FUBP1: variants seen among roughly 807,000 people sequenced by gnomAD.
FUBP1 encodes far upstream element binding protein 1.
FUBP1 carries 16 observed loss-of-function variants against 94.9 expected under a neutral mutation model. The ratio of observed to expected loss-of-function variants is 0.17; its 90% CI spans 0.11 to 0.26. The LOEUF (loss-of-function observed/expected upper bound fraction) is 0.26. FUBP1 is among the 10% of genes least tolerant of loss of function. FUBP1 has a pLI of 1.00. For missense variants in FUBP1, 583 were observed against 808.6 expected (o/e 0.72, Z 3.38); for synonymous variants, 279 against 254.9 (o/e 1.09, Z -0.90).
In FUBP1 at chr1:77,960,434, T is replaced by C. The variant is rs749091268; in HGVS notation, c.1406A>G (p.His469Arg). The change falls in exon 15 of 20, where the codon CAT (histidine) becomes CGT (arginine). Residue 469 changes from histidine (H) to arginine (R), a missense_variant. His to Arg is a conservative substitution (Grantham distance 29). Coordinates refer to ENST00000370768, the MANE Select transcript of FUBP1 (RefSeq NM_003902.5). ...PHGPHGVPGP[H>R]GPPGPPGPGT... ...AGGCCCTGGAGGCCCAGGAGGTCCA[T>C]GGGGGCCTGGGACACCATGGGGCCC... is the stretch of plus-strand genomic sequence containing the variant. 5 of 1,592,930 alleles carry C rather than the reference T, an allele frequency of 3.1e-6. No homozygotes were observed. Among genetic ancestry groups the C allele is most frequent in the East Asian group, 2.2e-5 (1 of 44,722 alleles).
At position 77,948,313 on chromosome 1, in the gene FUBP1, A is replaced by G. The variant is rs1652613663; in HGVS notation, c.*453T>C. The G allele has an allele frequency of 9.6e-7, 1 of 1,047,014 alleles. No homozygotes were observed. The allele number at this position is 1,047,014 out of a possible 1,614,324, so 64.9% of individuals were successfully genotyped here. The stretch of plus-strand genomic sequence containing the variant: ...TAAAAACTCAATATTTCATGGGGAA[A>G]GCTTATATATTTGTGTATATGTATC... On this transcript the variant is annotated 3_prime_UTR_variant, in exon 20 of 20. Coordinates refer to ENST00000370768, the MANE Select transcript of FUBP1 (RefSeq NM_003902.5).
intron 17 of FUBP1, among the ~76,000 whole-genome samples, chr1:77,955,672 C>A (rs557382997): frequency 6.6e-6 from 1 of 152,118 alleles, no homozygotes; most frequent in Non-Finnish European, 1.5e-5. Context: ...AATGCTGAAA[C>A]GGATGTGGTG....
intron 4 of FUBP1, 48 bp downstream of exon 4, chr1:77,967,579 G>C (rs775593680): frequency 6.1e-6 from 9 of 1,472,564 alleles, no homozygotes; most frequent in Non-Finnish European, 8.5e-6. Context: ...TTTACATACA[G>C]CTCAACCAAA....
At chr1:77,961,429 T>C (rs926556649) in intron 14 of FUBP1, among the ~76,000 whole-genome samples, 2 of 152,250 alleles carry the variant, frequency 1.3e-5, no homozygotes, top group Admixed American at 6.5e-5. Context: ...TCTTTCCAAG[T>C]AGTAAAAATA....
rs185708011 is a variant in FUBP1 at position 77,944,623 on chromosome 1, A to G, written c.*4143T>C. 8.0e-4 allele frequency among the ~76,000 whole-genome samples: 122 copies of G among 152,094 alleles called. No individual in the cohort carries two copies. Among genetic ancestry groups the G allele is most frequent in the African/African-American group, 2.8e-3 (115 of 41,566 alleles). ...AAACTCTACATCATTATTCTACACA[A>G]CAGATAACTTTCTAAGTACAGCTGA... On this transcript the variant is annotated 3_prime_UTR_variant, in exon 20 of 20. Transcript: ENST00000370768.
chr1:77,973,096 G>C (rs1040883926), intron 1 of FUBP1, among the ~76,000 whole-genome samples: 18 of 151,364 alleles, frequency 1.2e-4, no homozygotes, highest in Admixed American at 6.6e-4. Flanking sequence ...ACAATTCCTA[G>C]GTGACTACAA....
In FUBP1 at chr1:77,970,025, A is replaced by C; in HGVS notation, c.121-10T>G. 1 of 1,475,836 alleles carries C rather than the reference A, an allele frequency of 6.8e-7. No individual in the cohort carries two copies. Among genetic ancestry groups the C allele is most frequent in the Non-Finnish European group, 9.4e-7 (1 of 1,067,444 alleles). The allele number at this position is 1,475,836 out of a possible 1,614,324, so 91.4% of individuals were successfully genotyped here. A position where few individuals can be genotyped will look rare whatever the true frequency, so the allele number is the denominator to read the frequency against. On this transcript the variant is annotated splice_polypyrimidine_tract_variant and intron_variant, in intron 1 of 19. Coordinates refer to ENST00000370768, the MANE Select transcript of FUBP1 (RefSeq NM_003902.5). ...CAATTTTTGCTGCAATCTAAAAAAAAAAAAGAAAAATACCATCATAAACTA... is the reference window on the plus strand; with the variant it reads ...CAATTTTTGCTGCAATCTAAAAAAACAAAAGAAAAATACCATCATAAACTA...
At position 77,968,193 on chromosome 1, in the gene FUBP1, A is replaced by G. The variant is rs1656872490; in HGVS notation, c.222T>C (p.Asp74=). 1 of 1,539,088 alleles carries G rather than the reference A, an allele frequency of 6.5e-7. No homozygotes were observed. The highest frequency in any genetic ancestry group is 1.4e-5 in the African/African-American group (1 of 69,620). ...CATTTTGAGGAGCAACTTTCTTAGCATCTGGTTGATCTGCAAAATTAAGTG... is the reference window on the plus strand; with the variant it reads ...CATTTTGAGGAGCAACTTTCTTAGCGTCTGGTTGATCTGCAAAATTAAGTG... ...KRPLEDGDQP[D]AKKVAPQNDS... Residue 74 remains aspartate (D), a synonymous_variant, in exon 3 of 20, where the codon GAT becomes GAC. Transcript: ENST00000370768.
intron 1 of FUBP1, among the ~76,000 whole-genome samples, chr1:77,970,872 C>G (rs1657395705): frequency 6.6e-6 from 1 of 151,970 alleles, no homozygotes; most frequent in Non-Finnish European, 1.5e-5. Context: ...TGATGAAACT[C>G]CATCTCTACT....
chr1:77,965,786 C>T (rs1656356187), intron 7 of FUBP1, among the ~76,000 whole-genome samples: 1 of 152,260 alleles, frequency 6.6e-6, no homozygotes, highest in Admixed American at 6.5e-5. Flanking sequence ...AAGTGGCTCA[C>T]GCCTGTAATC....
At chr1:77,967,301 A>G (rs190441761) in intron 4 of FUBP1, among the ~76,000 whole-genome samples, 200 bp from the exon 5 acceptor site, 37 of 152,342 alleles carry the variant, frequency 2.4e-4, no homozygotes, top group African/African-American at 8.7e-4. Context: ...ACATCAAGTG[A>G]AGAAGGGATG....
At chr1:77,968,573 GAA>G (rs1366369479) in intron 2 of FUBP1, among the ~76,000 whole-genome samples, 2 of 148,164 alleles carry the variant, frequency 1.3e-5, no homozygotes, top group Admixed American at 6.7e-5. Flanking sequence ...ACTGGGGGGA[GAA>G]AAGCCTATCA....
intron 17 of FUBP1, 57 bp downstream of exon 17, chr1:77,956,515 C>A: frequency 8.1e-7 from 1 of 1,233,596 alleles, no homozygotes. Flanking sequence ...TGATGTACTT[C>A]ATATATAATT....
chr1:77,974,322 C>T (rs559668271), intron 1 of FUBP1, among the ~76,000 whole-genome samples: 4 of 151,958 alleles, frequency 2.6e-5, no homozygotes, highest in Non-Finnish European at 5.9e-5. Flanking sequence ...TTAGTAGAGA[C>T]GGGGTTTCAC....
intron 18 of FUBP1, 152 bp from the exon 19 acceptor site, chr1:77,949,452 A>G: frequency 1.7e-6 from 1 of 594,622 alleles, no homozygotes; most frequent in Non-Finnish European, 2.9e-6. Flanking sequence ...AAAAACCCCT[A>G]AACTTTAATA....
intron 18 of FUBP1, among the ~76,000 whole-genome samples, chr1:77,954,251 G>A (rs1654031295): frequency 6.6e-6 from 1 of 152,170 alleles, no homozygotes; most frequent in African/African-American, 2.4e-5. Flanking sequence ...AAGGATCCCA[G>A]TTCAGAAAAT....
chr1:77,964,455 C>G, intron 10 of FUBP1, 99 bp from the exon 11 acceptor site: 1 of 752,102 alleles, frequency 1.3e-6, no homozygotes. Context: ...AAATCTGCCT[C>G]AAATCATAAA....
At chr1:77,949,082 C>A (rs2102232438) in intron 19 of FUBP1, 73 bp downstream of exon 19, 1 of 1,391,882 alleles carries the variant, frequency 7.2e-7, no homozygotes, top group South Asian at 1.2e-5. Context: ...GCAAACACTC[C>A]CAAACAGACA....
In FUBP1 at chr1:77,947,521, G is replaced by A; in HGVS notation, c.*1245C>T. ...GCACAGTCCTCCTCACCCCTACAGA[G>A]CTAGTTCTATACTGGCTGGATCAAA... On this transcript the variant is annotated 3_prime_UTR_variant, in exon 20 of 20. Transcript: ENST00000370768. 7.4e-7 allele frequency: 1 copy of A among 1,350,868 alleles called. No homozygotes were observed. The highest frequency in any genetic ancestry group is 9.8e-7 in the Non-Finnish European group (1 of 1,025,138). The allele number at this position is 1,350,868 out of a possible 1,614,324, so 83.7% of individuals were successfully genotyped here. A position where few individuals can be genotyped will look rare whatever the true frequency, so the allele number is the denominator to read the frequency against.
Sources: gnomAD v4.1 joint callset for allele counts (sites outside exome capture counted in the v4.1 genomes callset) on GRCh38, gnomAD v4.1.1 for gene constraint, MANE v1.5 for transcripts, NCBI Gene and HGNC (gene_info 2026-07-23, HGNC 2026-07-21) for gene names.